CSMD3: variants seen among roughly 807,000 people sequenced by gnomAD.
CSMD3 encodes CUB and Sushi multiple domains 3.
A neutral mutation model predicts 435.2 loss-of-function variants in CSMD3; 177 were observed. That is an observed-to-expected ratio of 0.41 (90% CI 0.36 to 0.46). The LOEUF (loss-of-function observed/expected upper bound fraction) is 0.46. Ranked by LOEUF, CSMD3 falls within the 20% of genes least tolerant of loss-of-function variation. The pLI is 0.34. For missense variants in CSMD3, 4,265 were observed against 4,504.6 expected (o/e 0.95, Z 1.52); for synonymous variants, 1,656 against 1,520.5 (o/e 1.09, Z -2.07).
chr8:112,470,670 C>A (rs536951719), intron 32 of CSMD3, among the ~76,000 whole-genome samples: 15 of 152,014 alleles, frequency 9.9e-5, no homozygotes, highest in Non-Finnish European at 1.3e-4. Context: ...TTACTGCTCA[C>A]ATCTCTAATC....
chr8:112,351,804 T>C (rs865854257), intron 39 of CSMD3, among the ~76,000 whole-genome samples: 1 of 152,042 alleles, frequency 6.6e-6, no homozygotes, highest in African/African-American at 2.4e-5. Flanking sequence ...ATTTATCTAA[T>C]ATGTGAAACA....
chr8:113,278,998 A>G (rs999231408), intron 2 of CSMD3, among the ~76,000 whole-genome samples: 1 of 151,606 alleles, frequency 6.6e-6, no homozygotes, highest in Admixed American at 6.6e-5. Flanking sequence ...TTTGGAATAT[A>G]CATTTTTAAA....
chr8:113,077,137 A>T (rs900567215), intron 5 of CSMD3, among the ~76,000 whole-genome samples: 1 of 152,124 alleles, frequency 6.6e-6, no homozygotes, highest in African/African-American at 2.4e-5. Context: ...AGTGCATATA[A>T]AACTGGTGAA....
At chr8:113,414,442 G>A (rs890355288) in intron 1 of CSMD3, among the ~76,000 whole-genome samples, 2 of 151,930 alleles carry the variant, frequency 1.3e-5, no homozygotes, top group Non-Finnish European at 2.9e-5. Flanking sequence ...TCAATGGAAC[G>A]ATACAGCCTG....
chr8:113,331,901 T>G (rs899194824), intron 1 of CSMD3, among the ~76,000 whole-genome samples: 6 of 151,682 alleles, frequency 4.0e-5, no homozygotes, highest in African/African-American at 1.4e-4. Flanking sequence ...CCACTTGTAT[T>G]TAACCTTATA....
In CSMD3 at chr8:112,317,469, T is replaced by C. The variant is rs182041032; in HGVS notation, c.7360+1368A>G. Among the ~76,000 whole-genome samples, 13 of 152,108 alleles carry C rather than the reference T, an allele frequency of 8.5e-5. No individual in the cohort carries two copies. In the East Asian group the frequency reaches 2.5e-3, roughly 29 times the overall value. ...TGTCTGCTCAACTTTTTTTCCCATG[T>C]ATAACCCCTCAAAGGTTGAGCCTCT... On this transcript the variant is annotated intron_variant, in intron 47 of 70. Transcript: ENST00000297405.
chr8:113,060,943 T>A (rs1305794656), intron 5 of CSMD3, among the ~76,000 whole-genome samples: 1 of 152,188 alleles, frequency 6.6e-6, no homozygotes, highest in Non-Finnish European at 1.5e-5. Flanking sequence ...AAATAGTCTT[T>A]ACATATCATC....
At position 113,211,691 on chromosome 8, in the gene CSMD3, A is replaced by AAAAT. The variant is rs377129607; in HGVS notation, c.515-37779_515-37776dup. 7.8e-3 allele frequency among the ~76,000 whole-genome samples: 1,182 copies of AAAAT among 152,218 alleles called. 11 individuals carry two copies. The highest frequency in any genetic ancestry group is 0.012 in the Non-Finnish European group (849 of 68,000). ...ATGACAGAGGAAGACTCCGTCTCAA[A>AAAAT]AAATAAATAAATAAATAAATAATAA... On this transcript the variant is annotated intron_variant, in intron 3 of 70. Transcript: ENST00000297405.
At chr8:112,444,204 A>G (rs997691827) in intron 32 of CSMD3, among the ~76,000 whole-genome samples, 1 of 152,232 alleles carries the variant, frequency 6.6e-6, no homozygotes, top group Non-Finnish European at 1.5e-5. Context: ...GAAATTAAAA[A>G]GACTGATAAT....
intron 10 of CSMD3, among the ~76,000 whole-genome samples, chr8:112,886,356 T>C (rs1215310760): frequency 6.6e-6 from 1 of 151,534 alleles, no homozygotes; most frequent in African/African-American, 2.4e-5. Flanking sequence ...TTTTTCTTTT[T>C]TTTTCTTTTT....
chr8:112,642,080 TTA>T (rs570247029), intron 20 of CSMD3, among the ~76,000 whole-genome samples: 5 of 151,002 alleles, frequency 3.3e-5, no homozygotes, highest in African/African-American at 4.9e-5. Context: ...TAATTTATGT[TTA>T]TATATATATA....
intron 3 of CSMD3, among the ~76,000 whole-genome samples, chr8:113,263,777 G>C (rs1191669942): frequency 7.3e-5 from 11 of 151,468 alleles, no homozygotes; most frequent in Admixed American, 7.3e-4. Flanking sequence ...TTTCTTTTTT[G>C]GTATATTGAA....
Position 112,224,444 on chromosome 8 carries a change from T to C in CSMD3, c.*327A>G, listed in dbSNP as rs1228990716. The C allele has an allele frequency of 5.5e-6, 2 of 360,990 alleles. No individual in the cohort carries two copies. The highest frequency in any genetic ancestry group is 1.1e-5 in the Non-Finnish European group (2 of 187,114). 22.4% of individuals were successfully genotyped at this position (360,990 alleles called of 1,614,324 possible). On this transcript the variant is annotated 3_prime_UTR_variant, in exon 71 of 71. Transcript: ENST00000297405. The stretch of plus-strand genomic sequence containing the variant: ...TTTAAACCCAGTCCCTCTAATATAG[T>C]TTATAAAGCACAGAAATACTGATAG...
At chr8:112,501,479 T>C (rs899139965) in intron 30 of CSMD3, among the ~76,000 whole-genome samples, 7 of 151,118 alleles carry the variant, frequency 4.6e-5, no homozygotes, top group African/African-American at 1.7e-4. Flanking sequence ...GAAAAGGCAA[T>C]AAAAATGACA....
rs1822837294 is a variant in CSMD3 at position 112,319,951 on chromosome 8, G to A, written c.7196C>T (p.Pro2399Leu). Residue 2399 changes from proline (P) to leucine (L), a missense_variant, in exon 46 of 71, where the codon CCA (proline) becomes CTA (leucine). Physicochemically the swap from Pro to Leu is moderately conservative, Grantham distance 98. Transcript: ENST00000297405. ...AYQLRVCQPPPPVPNAEILTE... is the reference protein window; with the variant it reads ...AYQLRVCQPPLPVPNAEILTE... ...CAAAATTTCAGCATTGGGCACAGGT[G>A]GTGGAGGTTGGCACACCCTTAGTTG... 1.2e-6 allele frequency: 2 copies of A among 1,612,678 alleles called. No individual in the cohort carries two copies. Among genetic ancestry groups the A allele is most frequent in the African/African-American group, 1.3e-5 (1 of 74,830 alleles).
intron 13 of CSMD3, among the ~76,000 whole-genome samples, chr8:112,773,302 A>G (rs910479220): frequency 6.6e-6 from 1 of 152,116 alleles, no homozygotes; most frequent in African/African-American, 2.4e-5. Context: ...ATTATTTACA[A>G]GTATAATCTA....
intron 13 of CSMD3, among the ~76,000 whole-genome samples, chr8:112,709,653 T>C (rs182478946): frequency 6.6e-6 from 1 of 152,240 alleles, no homozygotes; most frequent in East Asian, 1.9e-4. Flanking sequence ...TTCCTCTCAA[T>C]CAACAATTTT....
chr8:112,745,874 C>T (rs2077414116), intron 13 of CSMD3, among the ~76,000 whole-genome samples: 1 of 151,814 alleles, frequency 6.6e-6, no homozygotes, highest in African/African-American at 2.4e-5. Context: ...TCCAAAATCA[C>T]AGAAGAAAAA....
intron 66 of CSMD3, 147 bp from the exon 67 acceptor site, chr8:112,237,495 A>C: frequency 3.0e-6 from 2 of 675,438 alleles, no homozygotes; most frequent in Non-Finnish European, 5.1e-6. Context: ...TCTTCATATA[A>C]AAATGTTTCC....
Sources: gnomAD v4.1 joint callset for allele counts (sites outside exome capture counted in the v4.1 genomes callset) on GRCh38, gnomAD v4.1.1 for gene constraint, MANE v1.5 for transcripts, NCBI Gene and HGNC (gene_info 2026-07-23, HGNC 2026-07-21) for gene names.